FAM227B: variants seen among roughly 807,000 people sequenced by gnomAD.
FAM227B encodes family with sequence similarity 227 member B.
A neutral mutation model predicts 73.8 loss-of-function variants in FAM227B; 88 were observed. The observed-to-expected ratio is 1.19, with a 90% CI of 1.00 to 1.42. The LOEUF is 1.42. Among genes scored for constraint, FAM227B ranks in the 40% most tolerant of loss-of-function variants. The pLI is 0.00. For synonymous variants in FAM227B, 210 were observed against 190.5 expected, an observed-to-expected ratio of 1.10 and a Z score of -0.84; for missense variants, 632 against 590.9, an observed-to-expected ratio of 1.07 and a Z score of -0.72.
chr15:49,489,883 TAGAGAGAGAG>T (rs35994302), intron 11 of FAM227B, among the ~76,000 whole-genome samples: 1 of 22,948 alleles, frequency 4.4e-5, no homozygotes, highest in Non-Finnish European at 1.0e-4. Flanking sequence ...TATATATATA[TAGAGAGAGAG>T]AGAGAGAGAG....
intron 10 of FAM227B, among the ~76,000 whole-genome samples, chr15:49,514,055 C>T (rs1231286825): frequency 1.3e-5 from 2 of 152,082 alleles, no homozygotes; most frequent in South Asian, 2.1e-4. Flanking sequence ...GTTCTTTTTG[C>T]TTAGGAAGGC....
intron 11 of FAM227B, among the ~76,000 whole-genome samples, chr15:49,490,514 G>C (rs2056997105): frequency 6.6e-6 from 1 of 151,914 alleles, no homozygotes; most frequent in Admixed American, 6.6e-5. Context: ...AATTAGGTGG[G>C]CAAAACAACA....
chr15:49,369,517 G>T (rs2045656567), intron 12 of FAM227B, among the ~76,000 whole-genome samples: 1 of 152,126 alleles, frequency 6.6e-6, no homozygotes, highest in South Asian at 2.1e-4. Context: ...GAAAGTCCAA[G>T]GGGTGATTTG....
At chr15:49,614,311 A>G (rs2078146498) in intron 2 of FAM227B, among the ~76,000 whole-genome samples, 1 of 152,174 alleles carries the variant, frequency 6.6e-6, no homozygotes, top group Non-Finnish European at 1.5e-5. Context: ...TAATAAGACA[A>G]ACTTGGACAA....
intron 11 of FAM227B, chr15:49,422,352 G>T: frequency 4.3e-6 from 1 of 233,668 alleles, no homozygotes; most frequent in Non-Finnish European, 8.0e-6. Context: ...ACTCATGCTG[G>T]AAAGTAAAAT....
intron 14 of FAM227B, 53 bp downstream of exon 14, chr15:49,335,366 C>T (rs2039525888): frequency 8.5e-7 from 1 of 1,183,380 alleles, no homozygotes; most frequent in Non-Finnish European, 1.2e-6. Flanking sequence ...TGATTGTTTC[C>T]AGTTCTAAAA....
intron 13 of FAM227B, among the ~76,000 whole-genome samples, chr15:49,342,956 C>G (rs1034421370): frequency 6.6e-6 from 1 of 152,032 alleles, no homozygotes; most frequent in Admixed American, 6.6e-5. Flanking sequence ...AAGATTTTTT[C>G]TTTAGCACTG....
intron 11 of FAM227B, among the ~76,000 whole-genome samples, chr15:49,495,602 A>G (rs2057529451): frequency 6.6e-6 from 1 of 152,208 alleles, no homozygotes. Context: ...TGTATAATGA[A>G]AAGCATAATG....
At chr15:49,584,305 A>G (rs948548022) in intron 5 of FAM227B, among the ~76,000 whole-genome samples, 5 of 152,242 alleles carry the variant, frequency 3.3e-5, no homozygotes, top group African/African-American at 1.2e-4. Context: ...CTTTCATTAA[A>G]ATTCAACATC....
intron 11 of FAM227B, chr15:49,424,016 C>T (rs1338155973): frequency 6.4e-6 from 2 of 314,156 alleles, no homozygotes; most frequent in African/African-American, 2.1e-5. Context: ...TATTCTTAAT[C>T]TCTCATTGCA....
intron 11 of FAM227B, among the ~76,000 whole-genome samples, chr15:49,390,739 CCTT>C (rs2151568981): frequency 6.6e-6 from 1 of 151,850 alleles, no homozygotes; most frequent in Non-Finnish European, 1.5e-5. Context: ...GTAAAATAAA[CCTT>C]ATGTGAAAAA....
intron 11 of FAM227B, among the ~76,000 whole-genome samples, chr15:49,416,368 T>C (rs2049212815): frequency 1.3e-5 from 2 of 152,048 alleles, no homozygotes; most frequent in South Asian, 2.1e-4. Flanking sequence ...AGCTGATTTA[T>C]GGAATGGGGT....
At chr15:49,605,026 T>C (rs887233060) in intron 3 of FAM227B, among the ~76,000 whole-genome samples, 4 of 149,174 alleles carry the variant, frequency 2.7e-5, no homozygotes, top group Non-Finnish European at 6.0e-5. Flanking sequence ...ATCAGGCAGT[T>C]TGTAGATCTC....
At chr15:49,525,890 C>T (rs1367031923) in intron 10 of FAM227B, among the ~76,000 whole-genome samples, 1 of 150,736 alleles carries the variant, frequency 6.6e-6, no homozygotes, top group African/African-American at 2.4e-5. Flanking sequence ...CAATGGAGCA[C>T]AAAGATTCAT....
At chr15:49,520,564 C>T (rs544734987) in intron 10 of FAM227B, among the ~76,000 whole-genome samples, 9 of 152,210 alleles carry the variant, frequency 5.9e-5, no homozygotes, top group East Asian at 1.9e-4. Context: ...TTCACATAGC[C>T]AGGGAGACCT....
chr15:49,343,502 C>T (rs1182078689), intron 13 of FAM227B: 3 of 152,108 alleles, frequency 2.0e-5, no homozygotes, highest in South Asian at 4.1e-4. Flanking sequence ...GGAAGAGTGA[C>T]TGTATTTTCA....
intron 13 of FAM227B, chr15:49,365,014 G>C: frequency 2.1e-6 from 1 of 467,816 alleles, no homozygotes; most frequent in African/African-American, 2.0e-5. Context: ...ATATATATTT[G>C]CAAACATATC....
intron 3 of FAM227B, among the ~76,000 whole-genome samples, chr15:49,598,625 G>A (rs1231146820): frequency 6.6e-6 from 1 of 151,876 alleles, no homozygotes; most frequent in Non-Finnish European, 1.5e-5. Context: ...CATTCCTTCT[G>A]CACCTAATTT....
intron 10 of FAM227B, among the ~76,000 whole-genome samples, chr15:49,536,639 A>C (rs1186957914): frequency 6.6e-6 from 1 of 151,994 alleles, no homozygotes; most frequent in Non-Finnish European, 1.5e-5. Context: ...TGTAGGCATT[A>C]AACCTCTTGA....
Sources: gnomAD v4.1 joint callset for allele counts (sites outside exome capture counted in the v4.1 genomes callset) on GRCh38, gnomAD v4.1.1 for gene constraint, MANE v1.5 for transcripts, NCBI Gene and HGNC (gene_info 2026-07-23, HGNC 2026-07-21) for gene names.